INTS9: variants seen among roughly 807,000 people sequenced by gnomAD.
The protein encoded by INTS9 is integrator complex subunit 9.
A neutral mutation model predicts 79.7 loss-of-function variants in INTS9; 55 were observed. The observed-to-expected ratio is 0.69, with a 90% confidence interval of 0.56 to 0.86. The LOEUF (loss-of-function observed/expected upper bound fraction) is 0.86. INTS9 is among the 40% of genes least tolerant of loss of function. INTS9 has a pLI of 0.00. For synonymous variants in INTS9, 319 were observed against 325.2 expected (o/e 0.98, Z 0.20); for missense variants, 721 against 831.5 (o/e 0.87, Z 1.64).
At chr8:28,876,678 G>A (rs1199292638) in intron 1 of INTS9, among the ~76,000 whole-genome samples, 4 of 151,744 alleles carry the variant, frequency 2.6e-5, no homozygotes, top group African/African-American at 9.7e-5. Flanking sequence ...ATCAGAGAAA[G>A]AAATGAAGTG....
At chr8:28,881,255 G>A (rs1809767964) in intron 1 of INTS9, among the ~76,000 whole-genome samples, 1 of 150,544 alleles carries the variant, frequency 6.6e-6, no homozygotes, top group Admixed American at 6.6e-5. Flanking sequence ...GGGAGGTGGG[G>A]GGGTCAGCCC....
intron 10 of INTS9, among the ~76,000 whole-genome samples, chr8:28,790,027 C>G (rs760015429): frequency 1.2e-4 from 18 of 152,346 alleles, no homozygotes; most frequent in Non-Finnish European, 2.5e-4. Context: ...TAGCTCGGAG[C>G]AAGGGCAGAC....
At chr8:28,777,687 T>C (rs1474217256) in intron 13 of INTS9, 142 bp downstream of exon 13, 23 of 871,902 alleles carry the variant, frequency 2.6e-5, no homozygotes, top group Non-Finnish European at 3.4e-5. Flanking sequence ...GGGGCTGGCA[T>C]GTGTCCCAGC....
chr8:28,817,722 T>C (rs946974790), intron 6 of INTS9, among the ~76,000 whole-genome samples: 4 of 143,116 alleles, frequency 2.8e-5, no homozygotes, highest in African/African-American at 5.3e-5. Flanking sequence ...GGGGATGGCA[T>C]TGAATCTATA....
Position 28,846,751 on chromosome 8 carries a change from G to T in INTS9, c.257C>A (p.Pro86Gln). ...TAAGATTCACCTTAATCTTACCTCTGGTAAACAGAATTCCGGCACAGAATC... is the reference window on the plus strand; with the variant it reads ...TAAGATTCACCTTAATCTTACCTCTTGTAAACAGAATTCCGGCACAGAATC... The part of the protein sequence containing the change: ...FVDSVPEFCL[P>Q]ETELIDLSTV... Residue 86 changes from proline to glutamine, a missense_variant, in exon 4 of 17, where the codon CCA (proline) becomes CAA (glutamine). By Grantham distance (76) the Pro-to-Gln change is moderately conservative. This residue lies in a region of INTS9 where 291 missense variants were observed against 307.0 expected (regional missense o/e 0.95). Coordinates refer to ENST00000521022, the MANE Select transcript of INTS9 (RefSeq NM_018250.4). The T allele has an allele frequency of 6.2e-7, 1 of 1,610,434 alleles. No homozygotes were observed. Among genetic ancestry groups the T allele is most frequent in the Non-Finnish European group, 8.5e-7 (1 of 1,176,760 alleles).
intron 6 of INTS9, 153 bp from the exon 7 acceptor site, chr8:28,813,765 ATT>A: frequency 3.5e-6 from 3 of 852,742 alleles, no homozygotes; most frequent in Non-Finnish European, 5.3e-6. Context: ...CTCTGTTTTT[ATT>A]TTTACTTTTT....
chr8:28,768,489 A>G (rs1168357067), intron 16 of INTS9, 167 bp from the exon 17 acceptor site: 3 of 649,644 alleles, frequency 4.6e-6, no homozygotes, highest in Non-Finnish European at 8.0e-6. Context: ...TATACTTGAA[A>G]AGAGACCCTA....
Position 28,822,348 on chromosome 8 carries a change from G to C in INTS9, c.489-8736C>G, listed in dbSNP as rs145186061. On this transcript the variant is annotated intron_variant, in intron 6 of 16. Transcript: ENST00000521022. ...TCAAAATTCTTCATTTTCTAAATTGGGAATTGGCAAACCTTTTCCATAAGT... is the reference window on the plus strand; with the variant it reads ...TCAAAATTCTTCATTTTCTAAATTGCGAATTGGCAAACCTTTTCCATAAGT... 5.5e-4 allele frequency among the ~76,000 whole-genome samples: 84 copies of C among 152,126 alleles called. No homozygotes were observed. In the East Asian group the frequency reaches 8.9e-3, roughly 16 times the overall value.
intron 6 of INTS9, among the ~76,000 whole-genome samples, chr8:28,816,725 C>T (rs1234324929): frequency 1.4e-5 from 2 of 144,772 alleles, no homozygotes; most frequent in Admixed American, 6.9e-5. Flanking sequence ...TGAGGAATCG[C>T]CACACTGACT....
At chr8:28,786,015 C>T (rs145201840) in intron 11 of INTS9, among the ~76,000 whole-genome samples, 1 of 152,200 alleles carries the variant, frequency 6.6e-6, no homozygotes, top group African/African-American at 2.4e-5. Context: ...CTGTCCCCTC[C>T]CCTCCAGGAT....
chr8:28,779,109 G>A (rs138209338), intron 12 of INTS9, among the ~76,000 whole-genome samples: 1 of 151,778 alleles, frequency 6.6e-6, no homozygotes, highest in East Asian at 1.9e-4. Context: ...TGTCACCACT[G>A]TCATGTCAAA....
intron 16 of INTS9, 128 bp downstream of exon 16, chr8:28,769,759 CAG>C: frequency 8.2e-7 from 1 of 1,225,518 alleles, no homozygotes; most frequent in Admixed American, 2.5e-5. Context: ...TTAGACCAAA[CAG>C]ATGCCACAGG....
intron 1 of INTS9, among the ~76,000 whole-genome samples, chr8:28,889,041 T>G (rs1810390034): frequency 6.6e-6 from 1 of 152,132 alleles, no homozygotes; most frequent in South Asian, 2.1e-4. Context: ...TGACAATAAC[T>G]TGGCTGCACA....
chr8:28,876,528 A>C (rs1005136452), intron 1 of INTS9, among the ~76,000 whole-genome samples: 4 of 152,244 alleles, frequency 2.6e-5, no homozygotes, highest in Admixed American at 2.6e-4. Context: ...ATTAAAATAC[A>C]TAAAAATTTC....
chr8:28,797,286 T>C (rs1804277494), intron 8 of INTS9, among the ~76,000 whole-genome samples: 1 of 152,220 alleles, frequency 6.6e-6, no homozygotes, highest in Admixed American at 6.5e-5. Flanking sequence ...ATATGGAATT[T>C]AGGACTCAAA....
At chr8:28,839,963 C>T (rs1437347793) in intron 4 of INTS9, among the ~76,000 whole-genome samples, 1 of 142,800 alleles carries the variant, frequency 7.0e-6, no homozygotes, top group Non-Finnish European at 1.5e-5. Flanking sequence ...AACTAAAGAG[C>T]TTCTGCACAG....
At position 28,772,531 on chromosome 8, in the gene INTS9, G is replaced by A. The variant is rs574073066; in HGVS notation, c.1564-1451C>T. ...CCGTCTCAAAAAAAGACATAGGGCC[G>A]GGCACGGTGGTTCACGCCTGTAATC... is the stretch of plus-strand genomic sequence containing the variant. On this transcript the variant is annotated intron_variant, in intron 14 of 16. Coordinates refer to ENST00000521022, the MANE Select transcript of INTS9 (RefSeq NM_018250.4). Among the ~76,000 whole-genome samples the A allele has an allele frequency of 1.4e-4, 21 of 150,512 alleles. 1 individual carries two copies. The highest frequency in any genetic ancestry group is 2.2e-4 in the African/African-American group (9 of 40,848).
Position 28,862,902 on chromosome 8 carries a change from C to T in INTS9, c.10-3339G>A, listed in dbSNP as rs148001341. On this transcript the variant is annotated intron_variant, in intron 1 of 16. Transcript: ENST00000521022. ...AAGTTAAGACTGCCTGGGCTCAAAT[C>T]TTGGCTGCACTCAGTGTTAATGTGT... 3.3e-3 allele frequency among the ~76,000 whole-genome samples: 506 copies of T among 152,272 alleles called. 3 individuals carry two copies. Among genetic ancestry groups the T allele is most frequent in the African/African-American group, 0.012 (480 of 41,546 alleles).
At chr8:28,813,667 G>T in intron 6 of INTS9, 55 bp from the exon 7 acceptor site, 1 of 1,591,056 alleles carries the variant, frequency 6.3e-7, no homozygotes, top group Non-Finnish European at 8.6e-7. Context: ...ATGTTCTACA[G>T]CATTCCTTTC....
Sources: allele counts gnomAD v4.1 joint callset (sites outside exome capture counted in the v4.1 genomes callset), GRCh38; gene constraint gnomAD v4.1.1; regional missense constraint gnomAD v4.1.1; transcripts MANE v1.5; gene names NCBI Gene and HGNC (gene_info 2026-07-23, HGNC 2026-07-21).